The following CSGALNACT1 variants were observed in gnomAD, a reference collection of about 807,000 sequenced individuals.
CSGALNACT1 encodes the protein chondroitin sulfate N-acetylgalactosaminyltransferase 1.
A neutral mutation model predicts 51.0 loss-of-function variants in CSGALNACT1; 52 were observed. That is an observed-to-expected ratio of 1.02 (90% CI 0.82 to 1.29). CSGALNACT1 has a LOEUF of 1.29. CSGALNACT1 is among the 50% of genes most tolerant of loss of function. CSGALNACT1 has a pLI of 0.00. For synonymous variants in CSGALNACT1, 341 were observed against 254.4 expected (o/e 1.34, Z -3.24); for missense variants, 935 against 679.2 (o/e 1.38, Z -4.19).
chr8:19,467,186 C>G (rs2066902859), intron 4 of CSGALNACT1, among the ~76,000 whole-genome samples: 1 of 134,526 alleles, frequency 7.4e-6, no homozygotes, highest in African/African-American at 2.8e-5. Flanking sequence ...GTGGTGCGAT[C>G]TCGGCTCACT....
intron 4 of CSGALNACT1, among the ~76,000 whole-genome samples, chr8:19,475,558 A>C (rs1405109961): frequency 3.3e-5 from 5 of 152,170 alleles, no homozygotes; most frequent in Admixed American, 6.5e-5. Flanking sequence ...CAACCTTGGA[A>C]ACACAGACAC....
chr8:19,662,318 T>C (rs1589347093), intron 1 of CSGALNACT1, among the ~76,000 whole-genome samples: 1 of 149,784 alleles, frequency 6.7e-6, no homozygotes, highest in Non-Finnish European at 1.5e-5. Flanking sequence ...GAGGCAGAGG[T>C]TGCAGTGAGC....
At chr8:19,427,703 G>A (rs2058991882) in intron 6 of CSGALNACT1, among the ~76,000 whole-genome samples, 1 of 152,052 alleles carries the variant, frequency 6.6e-6, no homozygotes. Context: ...CAAAAGAATG[G>A]TGTGAACCCA....
At chr8:19,603,116 T>TA (rs2050804656), upstream of CSGALNACT1, among the ~76,000 whole-genome samples, 2 of 88,356 alleles carry the variant, frequency 2.3e-5, no homozygotes, top group African/African-American at 1.0e-4. Flanking sequence ...CATGCAGGAA[T>TA]TAAAAAAAAA....
chr8:19,586,842 T>A (rs1342098498), intron 3 of CSGALNACT1, among the ~76,000 whole-genome samples: 1 of 152,182 alleles, frequency 6.6e-6, no homozygotes, highest in African/African-American at 2.4e-5. Flanking sequence ...CGTCCTAGGC[T>A]CAGGTACATC....
At chr8:19,486,041 C>G (rs1165763869) in intron 4 of CSGALNACT1, among the ~76,000 whole-genome samples, 1 of 151,648 alleles carries the variant, frequency 6.6e-6, no homozygotes, top group African/African-American at 2.4e-5. Flanking sequence ...GCTGGGATTA[C>G]AGGCGTGAGC....
At chr8:19,701,515 T>C (rs1483555011) in intron 1 of CSGALNACT1, among the ~76,000 whole-genome samples, 1 of 152,142 alleles carries the variant, frequency 6.6e-6, no homozygotes, top group Non-Finnish European at 1.5e-5. Flanking sequence ...GTCTTCTTGT[T>C]ATGTTCTGAA....
chr8:19,538,143 G>C (rs1460169131), intron 3 of CSGALNACT1, among the ~76,000 whole-genome samples: 7 of 151,932 alleles, frequency 4.6e-5, no homozygotes, highest in Non-Finnish European at 1.0e-4. Flanking sequence ...AAAGCAAGAT[G>C]ATACTGCTAC....
chr8:19,428,566 G>C (rs946578388), intron 6 of CSGALNACT1, among the ~76,000 whole-genome samples: 8 of 152,138 alleles, frequency 5.3e-5, no homozygotes, highest in African/African-American at 1.9e-4. Context: ...ATGAGACTTC[G>C]GTGGGAACAC....
At chr8:19,617,171 G>A (rs2053145818) in intron 1 of CSGALNACT1, among the ~76,000 whole-genome samples, 2 of 152,154 alleles carry the variant, frequency 1.3e-5, no homozygotes, top group Admixed American at 6.5e-5. Flanking sequence ...TCACAATAGG[G>A]TTAACACTTC....
At chr8:19,534,027 T>C (rs2083288534) in intron 3 of CSGALNACT1, among the ~76,000 whole-genome samples, 1 of 152,158 alleles carries the variant, frequency 6.6e-6, no homozygotes, top group Non-Finnish European at 1.5e-5. Context: ...CAGAATTTGG[T>C]CTTATTTCCT....
At chr8:19,439,415 T>C (rs1479799801) in intron 6 of CSGALNACT1, among the ~76,000 whole-genome samples, 4 of 152,236 alleles carry the variant, frequency 2.6e-5, no homozygotes, top group Non-Finnish European at 2.9e-5. Flanking sequence ...GATCTGAGCA[T>C]AGACTTCACT....
chr8:19,573,865 G>C (rs181461673), intron 3 of CSGALNACT1, among the ~76,000 whole-genome samples: 1 of 152,210 alleles, frequency 6.6e-6, no homozygotes, highest in Non-Finnish European at 1.5e-5. Context: ...AAAGGAGTAA[G>C]AGTCCTTAAG....
intron 4 of CSGALNACT1, among the ~76,000 whole-genome samples, chr8:19,462,173 CCA>C (rs1426714635): frequency 1.6e-4 from 25 of 152,366 alleles, no homozygotes; most frequent in African/African-American, 5.5e-4. Context: ...GCCATATTCG[CCA>C]CAGAGGCCAT....
chr8:19,469,315 C>G (rs1475688679), intron 4 of CSGALNACT1, among the ~76,000 whole-genome samples: 2 of 152,094 alleles, frequency 1.3e-5, no homozygotes, highest in African/African-American at 2.4e-5. Context: ...CCCTTGAGCC[C>G]AGGAGATCGA....
chr8:19,629,127 T>A (rs2054857074), intron 1 of CSGALNACT1, among the ~76,000 whole-genome samples: 1 of 152,190 alleles, frequency 6.6e-6, no homozygotes, highest in Admixed American at 6.6e-5. Context: ...GTAGTTTAAT[T>A]GCCACCTTCT....
intron 1 of CSGALNACT1, among the ~76,000 whole-genome samples, chr8:19,697,470 G>T (rs991743946): frequency 2.0e-5 from 3 of 152,160 alleles, no homozygotes; most frequent in Non-Finnish European, 4.4e-5. Context: ...TAGCACCTGG[G>T]GAAAGTCTGG....
intron 3 of CSGALNACT1, among the ~76,000 whole-genome samples, chr8:19,578,208 GC>G (rs1434834332): frequency 6.6e-6 from 1 of 152,176 alleles, no homozygotes; most frequent in Admixed American, 6.5e-5. Flanking sequence ...TATGCCATTT[GC>G]ATTTAAAATA....
rs150856161 is a variant in CSGALNACT1 at position 19,575,094 on chromosome 8, G to A, written c.-297+16066C>T. On this transcript the variant is annotated intron_variant, in intron 3 of 9. Transcript: ENST00000454498. ...ATGACCGTTTTAGAGCTGTGGGACTGGTTCTCAAAACTGCCTTGTCTGCCA... is the reference window on the plus strand; with the variant it reads ...ATGACCGTTTTAGAGCTGTGGGACTAGTTCTCAAAACTGCCTTGTCTGCCA... Among the ~76,000 whole-genome samples the A allele has an allele frequency of 7.4e-3, 1,131 of 152,128 alleles. 15 individuals are homozygous for A. Among genetic ancestry groups the A allele is most frequent in the African/African-American group, 0.026 (1,070 of 41,516 alleles).
Sources: gnomAD v4.1 joint callset for allele counts (sites outside exome capture counted in the v4.1 genomes callset) on GRCh38, gnomAD v4.1.1 for gene constraint, MANE v1.5 for transcripts, NCBI Gene and HGNC (gene_info 2026-07-23, HGNC 2026-07-21) for gene names.